The following ARHGEF3 variants were observed in gnomAD, a reference collection of about 807,000 sequenced individuals.
The protein encoded by ARHGEF3 is Rho guanine nucleotide exchange factor 3.
Under a neutral mutation model 63.2 loss-of-function variants are expected in ARHGEF3, and 28 were observed. The observed-to-expected ratio is 0.44, with a 90% confidence interval of 0.33 to 0.61. The LOEUF is 0.61. ARHGEF3 is among the 20% of genes least tolerant of loss of function. ARHGEF3 has a pLI of 0.03. For synonymous variants in ARHGEF3, 266 were observed against 254.2 expected (o/e 1.05, Z -0.44); for missense variants, 533 against 659.3 (o/e 0.81, Z 2.10).
chr3:56,907,780 A>C (rs1178082006), intron 3 of ARHGEF3, among the ~76,000 whole-genome samples: 1 of 152,200 alleles, frequency 6.6e-6, no homozygotes, highest in African/African-American at 2.4e-5. Context: ...AAAACCAAAT[A>C]CTGTATGTTC....
At chr3:56,851,681 C>T (rs1179241615) in intron 4 of ARHGEF3, among the ~76,000 whole-genome samples, 2 of 152,092 alleles carry the variant, frequency 1.3e-5, no homozygotes, top group Non-Finnish European at 1.5e-5. Flanking sequence ...AGCCACCATG[C>T]CTGGCCCTCT....
At chr3:56,998,123 T>C (rs977971021) in intron 2 of ARHGEF3, among the ~76,000 whole-genome samples, 11 of 152,202 alleles carry the variant, frequency 7.2e-5, no homozygotes, top group African/African-American at 2.7e-4. Context: ...CGCTTCCCAG[T>C]GCCAAATTTT....
At chr3:56,991,015 C>A (rs573126141) in intron 2 of ARHGEF3, among the ~76,000 whole-genome samples, 1 of 152,096 alleles carries the variant, frequency 6.6e-6, no homozygotes, top group Non-Finnish European at 1.5e-5. Flanking sequence ...TCCTAATCAC[C>A]GAATTCTCCC....
chr3:56,860,161 C>A (rs2040024629), intron 4 of ARHGEF3, among the ~76,000 whole-genome samples: 1 of 151,788 alleles, frequency 6.6e-6, no homozygotes, highest in African/African-American at 2.4e-5. Context: ...TAAATAACTT[C>A]TTTGTTCATA....
chr3:57,053,930 C>T (rs1255917074), intron 1 of ARHGEF3, among the ~76,000 whole-genome samples: 2 of 152,184 alleles, frequency 1.3e-5, no homozygotes, highest in African/African-American at 2.4e-5. Context: ...ATTGTTTCCA[C>T]CTTTTGGTAA....
At chr3:57,004,692 C>A (rs900138945) in intron 2 of ARHGEF3, among the ~76,000 whole-genome samples, 1 of 152,192 alleles carries the variant, frequency 6.6e-6, no homozygotes, top group Non-Finnish European at 1.5e-5. Context: ...ATGCAGCCGG[C>A]GCAGTGGCTC....
At chr3:56,765,615 A>G (rs2035660387) in intron 2 of ARHGEF3, among the ~76,000 whole-genome samples, 1 of 152,144 alleles carries the variant, frequency 6.6e-6, no homozygotes, top group Admixed American at 6.5e-5. Context: ...AGATGGCATC[A>G]GCCATCCCAT....
chr3:56,751,411 C>T lies in ARHGEF3; in HGVS notation c.439-15G>A. The T allele has an allele frequency of 6.3e-7, 1 of 1,599,648 alleles. No individual in the cohort carries two copies. Among genetic ancestry groups the T allele is most frequent in the Non-Finnish European group, 8.6e-7 (1 of 1,167,016 alleles). On this transcript the variant is annotated splice_polypyrimidine_tract_variant and intron_variant, in intron 4 of 9. Coordinates refer to ENST00000296315, the MANE Select transcript of ARHGEF3 (RefSeq NM_019555.3). ...TCATGATAGGCCTGCACAAAAACGG[C>T]AAGAGATGGAAGCACATGTTTAAAA...
At chr3:56,793,654 G>A (rs1252311843) in intron 1 of ARHGEF3, among the ~76,000 whole-genome samples, 1 of 152,146 alleles carries the variant, frequency 6.6e-6, no homozygotes, top group Non-Finnish European at 1.5e-5. Flanking sequence ...GTATAAAATA[G>A]CACCTTATTA....
At chr3:56,938,070 G>A (rs1327232573) in intron 3 of ARHGEF3, among the ~76,000 whole-genome samples, 1 of 152,186 alleles carries the variant, frequency 6.6e-6, no homozygotes, top group Admixed American at 6.5e-5. Context: ...TATTAACCAA[G>A]GGGTCAGGTG....
chr3:56,838,063 A>AT (rs1406043808), intron 4 of ARHGEF3, among the ~76,000 whole-genome samples: 3 of 152,208 alleles, frequency 2.0e-5, no homozygotes, highest in Non-Finnish European at 4.4e-5. Flanking sequence ...GAAAATACCT[A>AT]TTTTTTAAAA....
intron 1 of ARHGEF3, among the ~76,000 whole-genome samples, chr3:57,053,094 C>T (rs1704744849): frequency 6.6e-6 from 1 of 152,226 alleles, no homozygotes; most frequent in African/African-American, 2.4e-5. Context: ...GCCTGCTAGG[C>T]AGGTTCCCAT....
At chr3:56,744,560 A>G (rs1436966372) in intron 7 of ARHGEF3, among the ~76,000 whole-genome samples, 5 of 151,618 alleles carry the variant, frequency 3.3e-5, no homozygotes, top group East Asian at 1.9e-4. Flanking sequence ...CACCTCGCCC[A>G]GCTAATTTTT....
chr3:56,753,971 T>C (rs566694494), intron 3 of ARHGEF3, among the ~76,000 whole-genome samples: 3 of 152,354 alleles, frequency 2.0e-5, no homozygotes, highest in Admixed American at 1.3e-4. Context: ...TATTATTAAC[T>C]GGGCCATCCC....
upstream of ARHGEF3, among the ~76,000 whole-genome samples, chr3:56,804,295 C>G (rs1578560817): frequency 2.0e-5 from 3 of 152,272 alleles, no homozygotes; most frequent in East Asian, 5.8e-4. Flanking sequence ...GAGACACTAT[C>G]TTTTGTTTTT....
chr3:56,875,055 C>T (rs557830983), intron 4 of ARHGEF3, among the ~76,000 whole-genome samples: 4 of 152,238 alleles, frequency 2.6e-5, no homozygotes, highest in Middle Eastern at 6.8e-3. Flanking sequence ...GACAGGCCTG[C>T]GACTCAGATC....
At position 56,753,568 on chromosome 3, in the gene ARHGEF3, TGCAAG is replaced by T; in HGVS notation, c.376-7_376-3del. On this transcript the variant is annotated splice_polypyrimidine_tract_variant and splice_region_variant and intron_variant, in intron 3 of 9. Coordinates refer to ENST00000296315, the MANE Select transcript of ARHGEF3 (RefSeq NM_019555.3). ...TCCTTGGGAAAGCTCAAAGATCGCCTGCAAGGAAAGATAAACATATTCACTGAATT... is the reference window on the plus strand; with the variant it reads ...TCCTTGGGAAAGCTCAAAGATCGCCTGAAAGATAAACATATTCACTGAATT... The T allele has an allele frequency of 6.2e-7, 1 of 1,613,384 alleles. No homozygotes were observed.
At chr3:56,825,433 G>GA (rs2038676809) in intron 4 of ARHGEF3, among the ~76,000 whole-genome samples, 1 of 152,156 alleles carries the variant, frequency 6.6e-6, no homozygotes, top group Non-Finnish European at 1.5e-5. Context: ...TGGGAAGAGG[G>GA]AAACAATCCC....
At chr3:56,987,614 T>C (rs1299562694) in intron 2 of ARHGEF3, among the ~76,000 whole-genome samples, 2 of 152,240 alleles carry the variant, frequency 1.3e-5, no homozygotes, top group African/African-American at 4.8e-5. Flanking sequence ...GCTGAGAGCT[T>C]CTCAGCAGCA....
Sources: allele counts gnomAD v4.1 joint callset (sites outside exome capture counted in the v4.1 genomes callset), GRCh38; gene constraint gnomAD v4.1.1; transcripts MANE v1.5; gene names NCBI Gene and HGNC (gene_info 2026-07-23, HGNC 2026-07-21).